Variants in PLCD4 observed in about 807,000 individuals in gnomAD.
PLCD4 encodes phospholipase C delta 4, also known as 1-phosphatidylinositol 4,5-bisphosphate phosphodiesterase delta-4.
Under a neutral mutation model 90.2 loss-of-function variants are expected in PLCD4, and 63 were observed. The observed-to-expected ratio is 0.70, with a 90% CI of 0.57 to 0.86. The LOEUF (loss-of-function observed/expected upper bound fraction) is 0.86. Ranked by LOEUF, PLCD4 falls within the 40% of genes least tolerant of loss-of-function variation. The pLI is 0.00. For missense variants in PLCD4, 830 were observed against 956.3 expected, an observed-to-expected ratio of 0.87 and a Z score of 1.74; for synonymous variants, 294 against 356.5, an observed-to-expected ratio of 0.82 and a Z score of 1.97.
At chr2:218,628,413 A>T (rs559709507) in intron 7 of PLCD4, 183 bp downstream of exon 7, 1 of 566,126 alleles carries the variant, frequency 1.8e-6, no homozygotes, top group African/African-American at 1.9e-5. Flanking sequence ...ATGAAACCCT[A>T]TGGGTCAATG....
chr2:218,614,957 A>G (rs1695511316), intron 1 of PLCD4, among the ~76,000 whole-genome samples: 1 of 151,602 alleles, frequency 6.6e-6, no homozygotes, highest in East Asian at 2.0e-4. Flanking sequence ...GGCCGGGTGC[A>G]GTGGCTCACG....
intron 1 of PLCD4, among the ~76,000 whole-genome samples, chr2:218,614,919 G>A (rs1344399870): frequency 6.6e-6 from 1 of 151,986 alleles, no homozygotes; most frequent in Non-Finnish European, 1.5e-5. Flanking sequence ...AGACAACTAA[G>A]TATTGTTAAA....
In PLCD4 at chr2:218,622,850, C is replaced by T. The variant is rs1364274363; in HGVS notation, c.744C>T (p.Leu248=). Residue 248 remains leucine, a synonymous_variant, in exon 6 of 16, where the codon CTC becomes CTT. Transcript: ENST00000450993. ...GCACCTCTGAGCTTGCTCTGGAACT[C>T]ATTGACCGCTATGAACCTTCAGACA... ...RDCTSELALE[L]IDRYEPSDSG... 1 of 1,613,816 alleles carries T rather than the reference C, an allele frequency of 6.2e-7. No homozygotes were observed. The highest frequency in any genetic ancestry group is 1.3e-5 in the African/African-American group (1 of 74,932).
intron 10 of PLCD4, among the ~76,000 whole-genome samples, chr2:218,632,993 T>TG (rs1696471684): frequency 6.6e-6 from 1 of 152,130 alleles, no homozygotes; most frequent in South Asian, 2.1e-4. Context: ...CTTGTGTACT[T>TG]GCGTGGCTCA....
At position 218,621,382 on chromosome 2, in the gene PLCD4, G is replaced by C. The variant is rs1304822184; in HGVS notation, c.411-88G>C. ...CGGGGAGAGAGACTGGCAGGAAAGA[G>C]AGGGGAGAGATGTCAGTGGACGAAG... On this transcript the variant is annotated intron_variant, in intron 4 of 15. Coordinates refer to ENST00000450993, the MANE Select transcript of PLCD4 (RefSeq NM_032726.4). 6.1e-6 allele frequency: 9 copies of C among 1,472,352 alleles called. No homozygotes were observed. The Middle Eastern group carries it at 8.7e-4, about 143-fold the overall frequency. 91.2% of individuals were successfully genotyped at this position (1,472,352 alleles called of 1,614,324 possible). A position where few individuals can be genotyped will look rare whatever the true frequency, so the allele number is the denominator to read the frequency against.
intron 9 of PLCD4, 80 bp downstream of exon 9, chr2:218,630,882 CTT>C (rs1696332162): frequency 1.4e-6 from 2 of 1,404,544 alleles, no homozygotes; most frequent in Admixed American, 2.6e-5. Flanking sequence ...CTATGCCCCT[CTT>C]TGTTCCCTTC....
chr2:218,620,797 G>GGCAGGAGAATCTCTTGGAC (rs1695836849), intron 4 of PLCD4, among the ~76,000 whole-genome samples: 1 of 151,008 alleles, frequency 6.6e-6, no homozygotes, highest in African/African-American at 2.4e-5. Context: ...AGGAGGCTGA[G>GGCAGGAGAATCTCTTGGAC]GCAGGAGAAT....
At chr2:218,624,562 T>C (rs1183326034) in intron 6 of PLCD4, among the ~76,000 whole-genome samples, 1 of 151,224 alleles carries the variant, frequency 6.6e-6, no homozygotes, top group Admixed American at 6.6e-5. Context: ...CTACTAAAAA[T>C]ATAAAAATTA....
At chr2:218,635,093 G>A (rs535390233) in intron 13 of PLCD4, among the ~76,000 whole-genome samples, 4 of 151,746 alleles carry the variant, frequency 2.6e-5, no homozygotes, top group Admixed American at 2.0e-4. Context: ...AGAGACTCCC[G>A]TCTCTACAAA....
At chr2:218,619,607 T>G (rs1695782735) in intron 4 of PLCD4, among the ~76,000 whole-genome samples, 1 of 151,788 alleles carries the variant, frequency 6.6e-6, no homozygotes, top group African/African-American at 2.4e-5. Flanking sequence ...GTACAAAGAT[T>G]AATGAGACTC....
intron 8 of PLCD4, among the ~76,000 whole-genome samples, chr2:218,630,177 T>C (rs1184371624): frequency 6.6e-6 from 1 of 152,014 alleles, no homozygotes; most frequent in African/African-American, 2.4e-5. Flanking sequence ...AAACTCCATC[T>C]CAAAAAACAA....
intron 5 of PLCD4, 81 bp from the exon 6 acceptor site, chr2:218,622,566 T>A: frequency 2.9e-6 from 3 of 1,021,182 alleles, no homozygotes; most frequent in Non-Finnish European, 4.2e-6. Flanking sequence ...CCAGAAAAAT[T>A]TAAAAAAAAA....
At position 218,634,974 on chromosome 2, in the gene PLCD4, T is replaced by C. The variant is rs1696632445; in HGVS notation, c.1896+344T>C. Among the ~76,000 whole-genome samples the C allele has an allele frequency of 6.6e-6, 1 of 152,164 alleles. No homozygotes were observed. Among genetic ancestry groups the C allele is most frequent in the Admixed American group, 6.5e-5 (1 of 15,278 alleles). On this transcript the variant is annotated intron_variant, in intron 13 of 15. Coordinates refer to ENST00000450993, the MANE Select transcript of PLCD4 (RefSeq NM_032726.4). This position sits in a 1 kb window ranked among gnomAD's most constrained non-coding sequence, Gnocchi z 4.0. ...AAAGAGGCTGGCTGGGAGCGATAGCTTACACCTGTAATCCCAGCGCTTTGG... is the reference window on the plus strand; with the variant it reads ...AAAGAGGCTGGCTGGGAGCGATAGCCTACACCTGTAATCCCAGCGCTTTGG...
intron 4 of PLCD4, 184 bp downstream of exon 4, chr2:218,618,991 C>T: frequency 1.7e-6 from 1 of 599,670 alleles, no homozygotes. Flanking sequence ...GGAATGGATG[C>T]CAAGGATCAC....
intron 3 of PLCD4, among the ~76,000 whole-genome samples, chr2:218,616,925 TATAGAGAGAGAGAGAGAG>T (rs1157773535): frequency 4.5e-5 from 1 of 22,236 alleles, no homozygotes; most frequent in African/African-American, 2.0e-4. Context: ...TATATATATA[TATAGAGAGAGAGAGAGAG>T]AGAGAGAGAG....
At chr2:218,618,848 G>T in intron 4 of PLCD4, 41 bp downstream of exon 4, 1 of 1,533,508 alleles carries the variant, frequency 6.5e-7, no homozygotes, top group Non-Finnish European at 8.8e-7. Flanking sequence ...GAGGGATCAC[G>T]CTATCCCTGA....
At chr2:218,616,932 A>G in intron 3 of PLCD4, among the ~76,000 whole-genome samples, 1 of 13,544 alleles carries the variant, frequency 7.4e-5, no homozygotes, top group Non-Finnish European at 1.4e-4. Context: ...ATATATAGAG[A>G]GAGAGAGAGA....
At chr2:218,632,353 C>G in intron 10 of PLCD4, 41 bp downstream of exon 10, 1 of 1,552,084 alleles carries the variant, frequency 6.4e-7, no homozygotes, top group Non-Finnish European at 8.7e-7. Flanking sequence ...ATTTAGTCAA[C>G]TTATGCAAGC....
chr2:218,623,231 T>G (rs1695961065), intron 6 of PLCD4, among the ~76,000 whole-genome samples: 1 of 152,214 alleles, frequency 6.6e-6, no homozygotes, highest in Admixed American at 6.5e-5. Context: ...TTTGGCCTCT[T>G]CTCTAGTGCA....
Sources: allele counts gnomAD v4.1 joint callset (sites outside exome capture counted in the v4.1 genomes callset), GRCh38; gene constraint gnomAD v4.1.1; non-coding constraint Gnocchi (gnomAD v3.1); transcripts MANE v1.5; gene names NCBI Gene and HGNC (gene_info 2026-07-23, HGNC 2026-07-21).